The following H2AZ2 variants were observed in gnomAD, a reference collection of about 807,000 sequenced individuals.
H2AZ2 encodes the protein H2A.Z variant histone 2, also known as histone H2A.V.
H2AZ2 carries 5 observed loss-of-function variants against 15.5 expected under a neutral mutation model. The ratio of observed to expected loss-of-function variants is 0.32; its 90% CI spans 0.17 to 0.68. The LOEUF (loss-of-function observed/expected upper bound fraction) is 0.68, where lower values mean the gene tolerates loss of function less well. Among genes scored for constraint, H2AZ2 ranks in the 30% least tolerant of loss-of-function variants. H2AZ2 has a pLI of 0.72. For missense variants in H2AZ2, 42 were observed against 162.5 expected (o/e 0.26, Z 4.03); for synonymous variants, 44 against 57.4 (o/e 0.77, Z 1.05).
intron 1 of H2AZ2, among the ~76,000 whole-genome samples, chr7:44,845,449 A>T (rs1033625071): frequency 6.6e-6 from 1 of 152,166 alleles, no homozygotes; most frequent in Non-Finnish European, 1.5e-5. Flanking sequence ...AGACAGTCTT[A>T]CTTACTTCTC....
chr7:44,830,153 C>CCTTCT, downstream of H2AZ2: 1 of 1,613,756 alleles, frequency 6.2e-7, no homozygotes, highest in Non-Finnish European at 8.5e-7. Context: ...TCTAAGAACA[C>CCTTCT]CTTCTCTTCT....
chr7:44,830,311 C>T (rs1317079290), downstream of H2AZ2: 10 of 723,840 alleles, frequency 1.4e-5, no homozygotes, highest in Admixed American at 9.9e-5. Flanking sequence ...CACTGGATAA[C>T]TACTGGAACT....
At position 44,835,595 on chromosome 7, in the gene H2AZ2, A is replaced by G. The variant is rs1793099728; in HGVS notation, c.259T>C (p.Leu87=). The G allele has an allele frequency of 6.2e-7, 1 of 1,613,778 alleles. No homozygotes were observed. Among genetic ancestry groups the G allele is most frequent in the African/African-American group, 1.3e-5 (1 of 74,916 alleles). Residue 87 remains leucine (L), a synonymous_variant, in exon 4 of 5, where the codon TTG becomes CTG. Coordinates refer to ENST00000308153, the MANE Select transcript of H2AZ2 (RefSeq NM_012412.5). The stretch of plus-strand genomic sequence containing the variant: ...TCATCACCACGGATTGCAAGCTGCA[A>G]GTGACGCGGAGTGATACGCTTTACT... ...LKVKRITPRH[L]QLAIRGDEEL...
chr7:44,843,217 T>C lies in H2AZ2; in HGVS notation c.81+60A>G, dbSNP rs191415881. On this transcript the variant is annotated intron_variant, in intron 2 of 4. Transcript: ENST00000308153. ...GTAGATTTTTGTAATTGATGAAACA[T>C]AGGTCATAAATTACAACAGTAAAGA... 1.7e-3 allele frequency: 1,206 copies of C among 719,806 alleles called. 1 individual carries two copies. Among genetic ancestry groups the C allele is most frequent in the Non-Finnish European group, 2.2e-3 (1,086 of 497,650 alleles). 44.6% of individuals were successfully genotyped at this position (719,806 alleles called of 1,614,324 possible). A position where few individuals can be genotyped will look rare whatever the true frequency, so the allele number is the denominator to read the frequency against.
Position 44,840,971 on chromosome 7 carries a change from G to A in H2AZ2, c.123C>T (p.Thr41=). 6.2e-7 allele frequency: 1 copy of A among 1,614,146 alleles called. No individual in the cohort carries two copies. Among genetic ancestry groups the A allele is most frequent in the South Asian group, 1.1e-5 (1 of 91,074 alleles). ...TGGCACCCACCCTTCCATGGCTTGT[G>A]GTGCGAGTCTTCAAGTGTCTGTGGA... ...GRIHRHLKTR[T]TSHGRVGATA... The change falls in exon 3 of 5, where the codon ACC becomes ACT. Residue 41 remains threonine (T), a synonymous_variant. Transcript: ENST00000308153.
chr7:44,838,453 T>A (rs1206070938), intron 3 of H2AZ2, among the ~76,000 whole-genome samples: 1 of 151,856 alleles, frequency 6.6e-6, no homozygotes, highest in Non-Finnish European at 1.5e-5. Context: ...GAGTTCGAGA[T>A]CAGCCTGGCC....
intron 2 of H2AZ2, 85 bp from the exon 3 acceptor site, chr7:44,841,097 G>A: frequency 1.0e-6 from 1 of 979,724 alleles, no homozygotes; most frequent in Non-Finnish European, 1.6e-6. Context: ...ATGTAAGCAT[G>A]AAATAATAAA....
chr7:44,831,447 A>C (rs904148767), downstream of H2AZ2, among the ~76,000 whole-genome samples: 3 of 152,170 alleles, frequency 2.0e-5, no homozygotes, highest in Non-Finnish European at 2.9e-5. Context: ...TAGACATTTG[A>C]AGCAATTATC....
downstream of H2AZ2, chr7:44,829,235 G>C (rs1792967335): frequency 6.6e-6 from 1 of 152,166 alleles, no homozygotes; most frequent in African/African-American, 2.4e-5. Flanking sequence ...TCTGCCAAGT[G>C]TCCAAGCAGT....
intron 1 of H2AZ2, among the ~76,000 whole-genome samples, chr7:44,847,113 A>T (rs1184817135): frequency 6.6e-6 from 1 of 152,212 alleles, no homozygotes; most frequent in African/African-American, 2.4e-5. Flanking sequence ...TAACCTTTCA[A>T]CAGAATGCTT....
chr7:44,834,581 A>G lies in H2AZ2; in HGVS notation c.326-19T>C. ...ATCACACCTAGAATGAAATTTAAAA[A>G]AGTTATTAAAAACTTTTAAAGTTTT... is the stretch of plus-strand genomic sequence containing the variant. On this transcript the variant is annotated intron_variant, in intron 4 of 4. Transcript: ENST00000308153. 6.3e-7 allele frequency: 1 copy of G among 1,580,322 alleles called. No homozygotes were observed. The highest frequency in any genetic ancestry group is 8.6e-7 in the Non-Finnish European group (1 of 1,157,768).
At chr7:44,830,125 T>A (rs548718869), downstream of H2AZ2, 2 of 1,613,400 alleles carry the variant, frequency 1.2e-6, no homozygotes, top group Admixed American at 3.3e-5. Context: ...CGTCACCTAA[T>A]ACAATGGCAT....
intron 1 of H2AZ2, among the ~76,000 whole-genome samples, chr7:44,844,626 T>C (rs1323777292): frequency 1.3e-5 from 2 of 152,204 alleles, no homozygotes; most frequent in African/African-American, 4.8e-5. Flanking sequence ...AGTACTGGGA[T>C]TACAGGCGTG....
intron 2 of H2AZ2, 33 bp from the exon 3 acceptor site, chr7:44,841,045 CAG>C: frequency 6.7e-7 from 1 of 1,487,886 alleles, no homozygotes; most frequent in Non-Finnish European, 9.4e-7. Context: ...GGAAGCACTG[CAG>C]AGTCTTAACA....
chr7:44,829,860 A>G (rs1792977282), downstream of H2AZ2: 1 of 311,488 alleles, frequency 3.2e-6, no homozygotes. Context: ...CCAACACTGC[A>G]GCAACACAGT....
downstream of H2AZ2, among the ~76,000 whole-genome samples, chr7:44,831,152 G>A (rs1416823210): frequency 6.6e-6 from 1 of 152,118 alleles, no homozygotes; most frequent in Non-Finnish European, 1.5e-5. Context: ...GGGCGACAGA[G>A]TAATACTTTG....
intron 4 of H2AZ2, chr7:44,834,790 T>C: frequency 2.8e-6 from 1 of 353,592 alleles, no homozygotes. Flanking sequence ...ATAGCTTTTT[T>C]TTTTTTTTTT....
intron 3 of H2AZ2, among the ~76,000 whole-genome samples, chr7:44,836,295 C>G (rs1363684707): frequency 1.3e-5 from 2 of 151,988 alleles, no homozygotes; most frequent in African/African-American, 4.8e-5. Context: ...ACTTGTAGAC[C>G]ATTTTTGTAC....
In H2AZ2 at chr7:44,832,796, A is replaced by G. The variant is rs1340859617; in HGVS notation, c.*1705T>C. On this transcript the variant is annotated 3_prime_UTR_variant, in exon 5 of 5. Coordinates refer to ENST00000308153, the MANE Select transcript of H2AZ2 (RefSeq NM_012412.5). The stretch of plus-strand genomic sequence containing the variant: ...GACCTCTGTCTCTTACATAAATAAA[A>G]AAAATTAGCCAGGTATGGTGGCATG... 6.6e-6 allele frequency among the ~76,000 whole-genome samples: 1 copy of G among 152,012 alleles called. No individual in the cohort carries two copies. The highest frequency in any genetic ancestry group is 1.5e-5 in the Non-Finnish European group (1 of 68,000).
Sources: gnomAD v4.1 joint callset for allele counts (sites outside exome capture counted in the v4.1 genomes callset) on GRCh38, gnomAD v4.1.1 for gene constraint, MANE v1.5 for transcripts, NCBI Gene and HGNC (gene_info 2026-07-23, HGNC 2026-07-21) for gene names.